The following HS3ST5 variants were observed in gnomAD, a reference collection of about 807,000 sequenced individuals.
HS3ST5 encodes heparan sulfate-glucosamine 3-sulfotransferase 5.
A neutral mutation model predicts 25.4 loss-of-function variants in HS3ST5; 10 were observed. That is an observed-to-expected ratio of 0.39 (90% CI 0.24 to 0.67). The LOEUF is 0.67. Among genes scored for constraint, HS3ST5 ranks in the 30% least tolerant of loss-of-function variants. The pLI, the probability that HS3ST5 is intolerant of heterozygous loss-of-function variation, is 0.44. For synonymous variants in HS3ST5, 170 were observed against 162.4 expected, an observed-to-expected ratio of 1.05 and a Z score of -0.36; for missense variants, 324 against 420.7, an observed-to-expected ratio of 0.77 and a Z score of 2.01.
At chr6:114,102,482 C>A (rs941311359) in intron 3 of HS3ST5, among the ~76,000 whole-genome samples, 3 of 152,046 alleles carry the variant, frequency 2.0e-5, no homozygotes, top group Admixed American at 2.0e-4. Context: ...ATGATGGGTC[C>A]CCAATGCCTT....
chr6:114,301,626 G>A (rs1235443726), intron 1 of HS3ST5, among the ~76,000 whole-genome samples: 1 of 152,120 alleles, frequency 6.6e-6, no homozygotes, highest in Admixed American at 6.5e-5. Context: ...CCTAAATATG[G>A]TAAAGCTTTG....
At chr6:114,100,578 G>A (rs1036575090) in intron 3 of HS3ST5, among the ~76,000 whole-genome samples, 2 of 152,236 alleles carry the variant, frequency 1.3e-5, no homozygotes, top group East Asian at 1.9e-4. Context: ...GCCATTTGCC[G>A]TTAACATACC....
intron 2 of HS3ST5, among the ~76,000 whole-genome samples, chr6:114,199,474 T>A (rs1272572757): frequency 6.6e-6 from 1 of 152,218 alleles, no homozygotes; most frequent in Non-Finnish European, 1.5e-5. Flanking sequence ...ATTTCTCCTT[T>A]GGTATTTGAT....
chr6:114,247,520 A>T (rs1772437858), intron 1 of HS3ST5, among the ~76,000 whole-genome samples: 1 of 152,144 alleles, frequency 6.6e-6, no homozygotes, highest in Admixed American at 6.5e-5. Flanking sequence ...ATTTGGCAGA[A>T]AGCACTAGAT....
At chr6:114,110,048 G>T (rs990830949) in intron 3 of HS3ST5, among the ~76,000 whole-genome samples, 3 of 152,110 alleles carry the variant, frequency 2.0e-5, no homozygotes, top group African/African-American at 7.2e-5. Flanking sequence ...CTCCTCAAGG[G>T]CAGGGACCCA....
intron 1 of HS3ST5, among the ~76,000 whole-genome samples, chr6:114,244,441 T>C (rs1236275168): frequency 6.6e-6 from 1 of 152,240 alleles, no homozygotes; most frequent in Non-Finnish European, 1.5e-5. Flanking sequence ...TCTTCATTTA[T>C]ACCATGGAGA....
At chr6:114,225,181 C>G (rs1782234598) in intron 2 of HS3ST5, among the ~76,000 whole-genome samples, 1 of 151,780 alleles carries the variant, frequency 6.6e-6, no homozygotes, top group Admixed American at 6.6e-5. Context: ...CAAAATTCAT[C>G]TCCTTGAAAC....
intron 3 of HS3ST5, among the ~76,000 whole-genome samples, chr6:114,150,382 T>C (rs1247688617): frequency 1.3e-5 from 2 of 152,224 alleles, no homozygotes; most frequent in East Asian, 1.9e-4. Flanking sequence ...GTTTGACTTA[T>C]TAAAGTTTCC....
chr6:114,181,277 T>C (rs754740187), intron 2 of HS3ST5, among the ~76,000 whole-genome samples: 1 of 152,208 alleles, frequency 6.6e-6, no homozygotes. Context: ...AATCACAAAA[T>C]ATATATTTTT....
intron 2 of HS3ST5, among the ~76,000 whole-genome samples, chr6:114,188,368 T>C (rs2114280944): frequency 6.6e-6 from 1 of 152,346 alleles, no homozygotes; most frequent in Non-Finnish European, 1.5e-5. Context: ...GTTACATGTT[T>C]ATATAACTGT....
At chr6:114,104,639 C>A (rs1405623438) in intron 3 of HS3ST5, among the ~76,000 whole-genome samples, 1 of 152,188 alleles carries the variant, frequency 6.6e-6, no homozygotes. Flanking sequence ...CCTTGAGAAG[C>A]AAATGTAGCT....
At chr6:114,326,037 A>AAC in intron 1 of HS3ST5, among the ~76,000 whole-genome samples, 1 of 152,218 alleles carries the variant, frequency 6.6e-6, no homozygotes, top group African/African-American at 2.4e-5. Flanking sequence ...TTTAAATTGC[A>AAC]ATGCAATAAT....
At chr6:114,099,717 T>C (rs1238632402) in intron 3 of HS3ST5, among the ~76,000 whole-genome samples, 1 of 152,134 alleles carries the variant, frequency 6.6e-6, no homozygotes, top group African/African-American at 2.4e-5. Context: ...CATATATTGC[T>C]AGGTGATGAC....
intron 1 of HS3ST5, among the ~76,000 whole-genome samples, chr6:114,334,982 T>C (rs1457354345): frequency 6.6e-6 from 1 of 152,198 alleles, no homozygotes; most frequent in East Asian, 1.9e-4. Flanking sequence ...AATTACTCTT[T>C]TGTTCATTGC....
intron 2 of HS3ST5, among the ~76,000 whole-genome samples, chr6:114,185,465 G>A (rs1780176582): frequency 6.6e-6 from 1 of 152,130 alleles, no homozygotes; most frequent in Admixed American, 6.5e-5. Flanking sequence ...TTCCAGAAAT[G>A]TGAGAAATAA....
At chr6:114,260,471 T>A (rs528577370) in intron 1 of HS3ST5, among the ~76,000 whole-genome samples, 2 of 152,314 alleles carry the variant, frequency 1.3e-5, no homozygotes, top group Non-Finnish European at 2.9e-5. Context: ...AAGATACTAG[T>A]TTAAAGATGT....
Position 114,169,967 on chromosome 6 carries a change from T to C in HS3ST5, c.-144-1505A>G, listed in dbSNP as rs201181497. Among the ~76,000 whole-genome samples, 11 of 152,274 alleles carry C rather than the reference T, an allele frequency of 7.2e-5. No individual in the cohort carries two copies. The East Asian group carries it at 1.5e-3, about 21-fold the overall frequency. ...AGATTCTTAACATTTGTACTAATTC[T>C]AGAATACAGGAAAGCAACAGATAAG... On this transcript the variant is annotated intron_variant, in intron 2 of 4. Transcript: ENST00000312719.
intron 1 of HS3ST5, among the ~76,000 whole-genome samples, chr6:114,256,352 C>T (rs1772919426): frequency 6.6e-6 from 1 of 150,810 alleles, no homozygotes; most frequent in South Asian, 2.1e-4. Context: ...TGCGCCACTG[C>T]ACTCCAGCCT....
chr6:114,187,278 T>C (rs1435967456), intron 2 of HS3ST5, among the ~76,000 whole-genome samples: 2 of 152,250 alleles, frequency 1.3e-5, no homozygotes, highest in Non-Finnish European at 2.9e-5. Flanking sequence ...GCAAAATAAA[T>C]TAGAAATCTT....
Sources: allele counts gnomAD v4.1 joint callset (sites outside exome capture counted in the v4.1 genomes callset), GRCh38; gene constraint gnomAD v4.1.1; transcripts MANE v1.5; gene names NCBI Gene and HGNC (gene_info 2026-07-23, HGNC 2026-07-21).